Variants in C10orf90 observed in about 807,000 individuals in gnomAD.
The protein encoded by C10orf90 is (E2-independent) E3 ubiquitin-conjugating enzyme FATS.
A neutral mutation model predicts 62.5 loss-of-function variants in C10orf90; 56 were observed. That is an observed-to-expected ratio of 0.90 (90% CI 0.72 to 1.12). C10orf90 has a LOEUF of 1.12. Among genes scored for constraint, C10orf90 ranks in the 50% most tolerant of loss-of-function variants. The probability of loss-of-function intolerance (pLI) is 0.00; values close to 1 mark genes in which losing one functional copy is unlikely to be tolerated. For missense variants in C10orf90, 970 were observed against 880.4 expected (o/e 1.10, Z -1.29); for synonymous variants, 386 against 340.4 (o/e 1.13, Z -1.47).
intron 2 of C10orf90, among the ~76,000 whole-genome samples, chr10:126,641,994 T>C (rs967528012): frequency 6.6e-6 from 1 of 152,110 alleles, no homozygotes; most frequent in African/African-American, 2.4e-5. Context: ...AATTCAGAGA[T>C]GACATTCAAT....
At chr10:126,436,707 G>A (rs909626624) in intron 7 of C10orf90, among the ~76,000 whole-genome samples, 1 of 152,084 alleles carries the variant, frequency 6.6e-6, no homozygotes, top group Admixed American at 6.5e-5. Context: ...TGTTGCCCAG[G>A]GTGGAGTACA....
intron 2 of C10orf90, among the ~76,000 whole-genome samples, chr10:126,640,119 T>C (rs1207472600): frequency 6.6e-6 from 1 of 152,242 alleles, no homozygotes; most frequent in Non-Finnish European, 1.5e-5. Flanking sequence ...ATGCGTTTTA[T>C]TCTCCAGTGA....
intron 4 of C10orf90, among the ~76,000 whole-genome samples, chr10:126,492,415 A>C (rs1278050586): frequency 1.3e-5 from 2 of 152,234 alleles, no homozygotes; most frequent in Non-Finnish European, 2.9e-5. Context: ...GTGGTTATGT[A>C]AGATGTAAAT....
At chr10:126,446,100 G>A (rs1194361431) in intron 7 of C10orf90, among the ~76,000 whole-genome samples, 1 of 151,800 alleles carries the variant, frequency 6.6e-6, no homozygotes, top group Non-Finnish European at 1.5e-5. Flanking sequence ...ACAAATCACC[G>A]CTAAAGTATG....
intron 2 of C10orf90, among the ~76,000 whole-genome samples, chr10:126,531,268 C>T (rs560772551): frequency 6.6e-6 from 1 of 152,170 alleles, no homozygotes; most frequent in Admixed American, 6.5e-5. Context: ...ATTTTGCTGC[C>T]CAGGGGACAT....
intron 2 of C10orf90, among the ~76,000 whole-genome samples, chr10:126,544,972 C>T (rs926697055): frequency 1.4e-4 from 21 of 152,232 alleles, no homozygotes; most frequent in African/African-American, 2.9e-4. Flanking sequence ...GTGGACAAAA[C>T]GATTTTTAAA....
chr10:126,611,576 G>A (rs1845436010), intron 2 of C10orf90, among the ~76,000 whole-genome samples: 1 of 152,178 alleles, frequency 6.6e-6, no homozygotes, highest in African/African-American at 2.4e-5. Flanking sequence ...TATTTTCCAA[G>A]GCAGCTGCAC....
At chr10:126,627,240 T>C (rs534030324) in intron 2 of C10orf90, among the ~76,000 whole-genome samples, 1 of 152,302 alleles carries the variant, frequency 6.6e-6, no homozygotes, top group South Asian at 2.1e-4. Flanking sequence ...TCTCAAGTAA[T>C]CTACCCACCT....
chr10:126,665,588 C>A (rs532959465), intron 1 of C10orf90, among the ~76,000 whole-genome samples: 46 of 152,204 alleles, frequency 3.0e-4, no homozygotes, highest in Admixed American at 1.2e-3. Flanking sequence ...ATAGAGTAAC[C>A]AGACAACCGC....
chr10:126,520,801 C>G (rs1222959723), intron 2 of C10orf90: 2 of 153,286 alleles, frequency 1.3e-5, no homozygotes, highest in Non-Finnish European at 2.9e-5. Context: ...CTCTGTGTCC[C>G]TCGGCTTGGG....
chr10:126,540,029 G>GA (rs1864336998), intron 2 of C10orf90, among the ~76,000 whole-genome samples: 1 of 152,156 alleles, frequency 6.6e-6, no homozygotes, highest in African/African-American at 2.4e-5. Flanking sequence ...AGTTTAGCCA[G>GA]AATCAAAGCA....
At chr10:126,576,677 AC>A (rs1591113922) in intron 2 of C10orf90, among the ~76,000 whole-genome samples, 7,273 of 42,038 alleles carry the variant, frequency 0.17, 1,545 homozygotes, top group African/African-American at 0.25. Context: ...ATATATGTAT[AC>A]ATATACATAT....
chr10:126,515,072 A>C (rs1381152172), intron 2 of C10orf90, among the ~76,000 whole-genome samples: 1 of 152,244 alleles, frequency 6.6e-6, no homozygotes, highest in Admixed American at 6.5e-5. Context: ...CTCATCAAAA[A>C]GTTTCATGAA....
At chr10:126,532,712 C>T (rs957469311) in intron 2 of C10orf90, among the ~76,000 whole-genome samples, 1 of 150,156 alleles carries the variant, frequency 6.7e-6, no homozygotes, top group African/African-American at 2.5e-5. Flanking sequence ...TGGCGGGTGC[C>T]TGTAGTCCCA....
At chr10:126,648,655 T>C (rs1419790951) in intron 1 of C10orf90, among the ~76,000 whole-genome samples, 4 of 152,180 alleles carry the variant, frequency 2.6e-5, no homozygotes, top group Admixed American at 1.3e-4. Flanking sequence ...GGAAAATAAT[T>C]TAAATCTTAA....
At chr10:126,508,166 A>T (rs1444483086) in intron 3 of C10orf90, among the ~76,000 whole-genome samples, 5 of 117,806 alleles carry the variant, frequency 4.2e-5, no homozygotes, top group Admixed American at 2.6e-4. Flanking sequence ...AGTGAGAGAG[A>T]GAGAGAGAGA....
intron 2 of C10orf90, among the ~76,000 whole-genome samples, chr10:126,545,885 G>T (rs1169735830): frequency 6.6e-6 from 1 of 152,128 alleles, no homozygotes; most frequent in East Asian, 1.9e-4. Context: ...CACTGATGTT[G>T]TTCTGGATGC....
intron 1 of C10orf90, among the ~76,000 whole-genome samples, chr10:126,668,908 T>G (rs1397307251): frequency 1.3e-5 from 2 of 152,228 alleles, no homozygotes; most frequent in Non-Finnish European, 2.9e-5. Context: ...ATTGTTTTAA[T>G]CAGTGTGGCT....
chr10:126,619,922 T>G (rs1845614264), intron 2 of C10orf90, among the ~76,000 whole-genome samples: 1 of 152,202 alleles, frequency 6.6e-6, no homozygotes, highest in South Asian at 2.1e-4. Context: ...CGTGAACCAC[T>G]GCACCTAGTC....
Sources: gnomAD v4.1 joint callset for allele counts (sites outside exome capture counted in the v4.1 genomes callset) on GRCh38, gnomAD v4.1.1 for gene constraint, MANE v1.5 for transcripts, NCBI Gene and HGNC (gene_info 2026-07-23, HGNC 2026-07-21) for gene names.